The following ABCC1 variants were observed in gnomAD, a reference collection of about 807,000 sequenced individuals.
ABCC1 encodes multidrug resistance-associated protein 1.
In ABCC1, 83 loss-of-function variants were observed where a neutral mutation model predicts 172.9. The observed-to-expected ratio is 0.48, with a 90% CI of 0.40 to 0.58. The LOEUF (loss-of-function observed/expected upper bound fraction) is 0.58, where lower values mean the gene tolerates loss of function less well. Ranked by LOEUF, ABCC1 falls within the 20% of genes least tolerant of loss-of-function variation. The pLI is 0.00. For synonymous variants in ABCC1, 937 were observed against 825.2 expected (o/e 1.14, Z -2.32); for missense variants, 1,817 against 2,002.7 (o/e 0.91, Z 1.77).
intron 21 of ABCC1, among the ~76,000 whole-genome samples, chr16:16,107,703 C>T (rs139014373): frequency 2.6e-5 from 4 of 152,158 alleles, no homozygotes; most frequent in East Asian, 1.9e-4. Context: ...ACAAGGAGAC[C>T]GGGTTTTGAG....
intron 1 of ABCC1, among the ~76,000 whole-genome samples, chr16:15,984,228 C>T (rs2046693885): frequency 6.6e-6 from 1 of 152,126 alleles, no homozygotes; most frequent in African/African-American, 2.4e-5. Context: ...GCCCTTTGTG[C>T]ACAGATGTGC....
intron 1 of ABCC1, among the ~76,000 whole-genome samples, chr16:15,989,564 C>A (rs1597077234): frequency 6.6e-6 from 1 of 152,122 alleles, no homozygotes; most frequent in Non-Finnish European, 1.5e-5. Flanking sequence ...CTGAGCTACC[C>A]CTCTGCAGCG....
intron 20 of ABCC1, among the ~76,000 whole-genome samples, chr16:16,104,908 C>CT (rs1169178445): frequency 3.3e-5 from 5 of 152,184 alleles, no homozygotes; most frequent in African/African-American, 9.6e-5. Context: ...GCGGGGCTGC[C>CT]CGGCAGCTCT....
At chr16:16,018,215 T>A (rs1475492590) in intron 5 of ABCC1, among the ~76,000 whole-genome samples, 2 of 151,806 alleles carry the variant, frequency 1.3e-5, no homozygotes, top group Non-Finnish European at 2.9e-5. Flanking sequence ...TGGGCATCAG[T>A]ATGGAGGAGG....
intron 12 of ABCC1, among the ~76,000 whole-genome samples, chr16:16,057,366 T>TA (rs747489467): frequency 0.16 from 21,735 of 133,074 alleles, 1,742 homozygotes; most frequent in Non-Finnish European, 0.21. Context: ...CTCAAAAAAG[T>TA]AAAAAAAAAA....
At chr16:16,090,921 G>C (rs1174600388) in intron 19 of ABCC1, among the ~76,000 whole-genome samples, 3 of 152,106 alleles carry the variant, frequency 2.0e-5, no homozygotes, top group Admixed American at 2.0e-4. Flanking sequence ...TGGGAATGAT[G>C]GTAATTAAAG....
At chr16:15,965,816 C>T (rs766143292) in intron 1 of ABCC1, among the ~76,000 whole-genome samples, 45 of 150,250 alleles carry the variant, frequency 3.0e-4, no homozygotes, top group South Asian at 1.7e-3. Flanking sequence ...AGGCTGGTCT[C>T]GAACTCCTGA....
intron 9 of ABCC1, 76 bp from the exon 10 acceptor site, chr16:16,048,066 C>T: frequency 2.0e-6 from 3 of 1,532,624 alleles, no homozygotes; most frequent in Non-Finnish European, 9.0e-7. Context: ...TCTCCTTCCT[C>T]TCCGTGGGTC....
rs367776291 is a variant in ABCC1 at position 16,122,001 on chromosome 16, G to A, written c.3417G>A (p.Gln1139=). 60 of 1,614,096 alleles carry A rather than the reference G, an allele frequency of 3.7e-5. No homozygotes were observed. Among genetic ancestry groups the A allele is most frequent in the Non-Finnish European group, 4.8e-5 (57 of 1,180,046 alleles). The change falls in exon 24 of 31, where the codon CAG becomes CAA. Residue 1139 remains glutamine, a synonymous_variant. Transcript: ENST00000399410. ...VQRFYVASSR[Q]LKRLESVSRS... Reference sequence around the variant, plus strand: ...GGTTCTACGTGGCTTCCTCCCGGCAGCTGAAGCGCCTCGAGTCGGTCAGCC... The same window carrying A: ...GGTTCTACGTGGCTTCCTCCCGGCAACTGAAGCGCCTCGAGTCGGTCAGCC...
In ABCC1 at chr16:15,973,481, G is replaced by T. The variant is rs75460896; in HGVS notation, c.48+23682G>T. On this transcript the variant is annotated intron_variant, in intron 1 of 30. Transcript: ENST00000399410. ...GGTCCCAAATGTCAGTAGTACTGCAGTTGAGAAACCCTGGCATGGACGCAA... is the reference window on the plus strand; with the variant it reads ...GGTCCCAAATGTCAGTAGTACTGCATTTGAGAAACCCTGGCATGGACGCAA... Among the ~76,000 whole-genome samples the T allele has an allele frequency of 4.7e-3, 720 of 152,228 alleles. 4 individuals carry two copies. The highest frequency in any genetic ancestry group is 0.015 in the African/African-American group (605 of 41,544).
chr16:16,068,460 G>A (rs2050199286), intron 13 of ABCC1, among the ~76,000 whole-genome samples, 158 bp downstream of exon 13: 1 of 152,172 alleles, frequency 6.6e-6, no homozygotes. Flanking sequence ...GGTCATGCCT[G>A]AAAGAAAGAA....
chr16:16,015,770 C>G (rs1349208697), intron 4 of ABCC1, among the ~76,000 whole-genome samples: 1 of 152,098 alleles, frequency 6.6e-6, no homozygotes. Flanking sequence ...TCCCTGGCTT[C>G]CCCTGACTGG....
Position 16,068,273 on chromosome 16 carries a change from C to G in ABCC1, c.1795C>G (p.Leu599Val), listed in dbSNP as rs371204002. ...FNILRFPLNILPMVISSIVQA... is the reference protein window; with the variant it reads ...FNILRFPLNIVPMVISSIVQA... ...CATCCTCCGGTTTCCCCTGAACATT[C>G]TCCCCATGGTCATCAGCAGCATCGT... Residue 599 changes from leucine (L) to valine (V), a missense_variant, in exon 13 of 31, where the codon CTC (leucine) becomes GTC (valine). By Grantham distance (32) the Leu-to-Val change is conservative (BLOSUM62 1). Transcript: ENST00000399410. The G allele has an allele frequency of 1.9e-6, 3 of 1,614,168 alleles. No homozygotes were observed. Among genetic ancestry groups the G allele is most frequent in the South Asian group, 1.1e-5 (1 of 91,076 alleles).
chr16:16,044,007 G>A (rs1347420692), intron 7 of ABCC1, among the ~76,000 whole-genome samples: 1 of 152,212 alleles, frequency 6.6e-6, no homozygotes, highest in Non-Finnish European at 1.5e-5. Context: ...GAGTTTCCAT[G>A]TGAATTTTAA....
intron 23 of ABCC1, among the ~76,000 whole-genome samples, chr16:16,120,247 G>A (rs1238499101): frequency 6.6e-6 from 1 of 152,164 alleles, no homozygotes; most frequent in Non-Finnish European, 1.5e-5. Context: ...CCCTTTGTTA[G>A]TTTTCCCAGC....
At position 16,061,778 on chromosome 16, in the gene ABCC1, T is replaced by C. The variant is rs1043034591; in HGVS notation, c.1677+5483T>C. The stretch of plus-strand genomic sequence containing the variant: ...GCTTTTTTTTTCTTTTTTTCTTTTT[T>C]TTTTTTTTTTTTTGAGATGGGGTCT... On this transcript the variant is annotated intron_variant, in intron 12 of 30. Coordinates refer to ENST00000399410, the MANE Select transcript of ABCC1 (RefSeq NM_004996.4). 6.3e-5 allele frequency among the ~76,000 whole-genome samples: 9 copies of C among 143,970 alleles called. No homozygotes were observed. The South Asian group carries it at 6.7e-4, about 11-fold the overall frequency. The allele number at this position is 143,970 out of a possible 152,430, so 94.4% of individuals were successfully genotyped here.
At chr16:16,026,910 C>T (rs538071419) in intron 5 of ABCC1, among the ~76,000 whole-genome samples, 70 of 152,262 alleles carry the variant, frequency 4.6e-4, no homozygotes, top group African/African-American at 1.6e-3. Context: ...GAGTGAGACT[C>T]AGTCTCAAAA....
In ABCC1 at chr16:16,076,321, T is replaced by C; in HGVS notation, c.1913-5T>C. The stretch of plus-strand genomic sequence containing the variant: ...CTGTCCCTGACATGTCTCTGTGCTT[T>C]GTAGGCGGGGGCACGAACAGCATCA... On this transcript the variant is annotated splice_region_variant and splice_polypyrimidine_tract_variant and intron_variant, in intron 14 of 30. Transcript: ENST00000399410. 3 of 1,612,546 alleles carry C rather than the reference T, an allele frequency of 1.9e-6. No homozygotes were observed. The highest frequency in any genetic ancestry group is 2.5e-6 in the Non-Finnish European group (3 of 1,179,328).
chr16:16,087,017 G>T, intron 18 of ABCC1, 26 bp downstream of exon 18: 1 of 1,613,258 alleles, frequency 6.2e-7, no homozygotes. Context: ...GTGGGGCTTG[G>T]TGTTGGGCCG....
Sources: allele counts gnomAD v4.1 joint callset (sites outside exome capture counted in the v4.1 genomes callset), GRCh38; gene constraint gnomAD v4.1.1; transcripts MANE v1.5; gene names NCBI Gene and HGNC (gene_info 2026-07-23, HGNC 2026-07-21).